Variants in IL1RAPL1 observed in about 807,000 individuals in gnomAD.
IL1RAPL1 encodes the protein interleukin-1 receptor accessory protein-like 1.
IL1RAPL1 carries 3 observed loss-of-function variants against 48.4 expected under a neutral mutation model. That is an observed-to-expected ratio of 0.06 (90% CI 0.03 to 0.16). The LOEUF (loss-of-function observed/expected upper bound fraction) is 0.16, where lower values mean the gene tolerates loss of function less well. Ranked by LOEUF, IL1RAPL1 falls within the 10% of genes least tolerant of loss-of-function variation. The probability of loss-of-function intolerance (pLI) is 1.00; values close to 1 mark genes in which losing one functional copy is unlikely to be tolerated. For missense variants in IL1RAPL1, 349 were observed against 530.6 expected, an observed-to-expected ratio of 0.66 and a Z score of 3.36; for synonymous variants, 185 against 187.7, an observed-to-expected ratio of 0.99 and a Z score of 0.12.
chrX:28,644,720 A>G (rs1396968809), intron 1 of IL1RAPL1, among the ~76,000 whole-genome samples: 2 of 111,909 alleles, frequency 1.8e-5, no homozygotes, highest in Non-Finnish European at 3.8e-5. Context: ...AAAGGAGATC[A>G]TCACTGAAAT....
intron 1 of IL1RAPL1, among the ~76,000 whole-genome samples, chrX:28,601,099 A>T (rs1269966490): frequency 9.0e-6 from 1 of 111,491 alleles, no homozygotes; most frequent in East Asian, 2.8e-4. Context: ...TTGAATAGGG[A>T]TGAACTAAGT....
chrX:29,369,715 G>A (rs188678111), intron 3 of IL1RAPL1: 1 of 111,811 alleles, frequency 8.9e-6, no homozygotes, highest in Non-Finnish European at 1.9e-5. Context: ...GTGGGGATAC[G>A]GCAAAATCAT....
intron 5 of IL1RAPL1, among the ~76,000 whole-genome samples, chrX:29,646,147 C>T (rs185281024): frequency 3.6e-5 from 4 of 111,306 alleles, no homozygotes; most frequent in East Asian, 2.8e-4. Context: ...TTCAAAATAC[C>T]TCCTTTAAGG....
intron 2 of IL1RAPL1, among the ~76,000 whole-genome samples, chrX:29,252,023 C>A (rs1156437054): frequency 1.9e-5 from 2 of 106,334 alleles, no homozygotes; most frequent in Non-Finnish European, 3.8e-5. Flanking sequence ...GAACAAAAAA[C>A]CAAACACCGC....
chrX:29,182,471 A>G lies in IL1RAPL1; in HGVS notation c.83-100467A>G, dbSNP rs148475360. On this transcript the variant is annotated intron_variant, in intron 2 of 10. Transcript: ENST00000378993. ...AAAACAAACCAAAATCTTCCTTTGG[A>G]TTGCACATAGTTGAATTGCTAGAGA... Among the ~76,000 whole-genome samples, 384 of 112,071 alleles carry G rather than the reference A, an allele frequency of 3.4e-3. 4 individuals are homozygous for G. The East Asian group carries it at 0.059, about 17-fold the overall frequency.
intron 1 of IL1RAPL1, among the ~76,000 whole-genome samples, chrX:28,707,790 T>C (rs1569155644): frequency 1.8e-5 from 2 of 111,839 alleles, no homozygotes; most frequent in East Asian, 5.6e-4. Context: ...AAGAGAAATA[T>C]TTAAAGGTCT....
At chrX:29,683,898 C>T (rs1270475660) in intron 6 of IL1RAPL1, among the ~76,000 whole-genome samples, 1 of 112,080 alleles carries the variant, frequency 8.9e-6, no homozygotes, top group African/African-American at 3.2e-5. Context: ...CAAATCTTAA[C>T]TATTGGAAAC....
chrX:29,393,137 G>A (rs1933874672), intron 3 of IL1RAPL1, among the ~76,000 whole-genome samples: 1 of 101,860 alleles, frequency 9.8e-6, no homozygotes, highest in Admixed American at 1.1e-4. Flanking sequence ...CTAGTTTTCT[G>A]TTTTTTGAGA....
chrX:29,894,503 TCAA>T (rs765732016), intron 6 of IL1RAPL1, among the ~76,000 whole-genome samples: 5 of 112,406 alleles, frequency 4.4e-5, no homozygotes, highest in Admixed American at 9.4e-5. Context: ...AGATAAATCA[TCAA>T]CGTTTTACTT....
In IL1RAPL1 at chrX:29,639,169, A is replaced by G. The variant is rs185579752; in HGVS notation, c.704-29261A>G. 1.7e-3 allele frequency among the ~76,000 whole-genome samples: 177 copies of G among 105,202 alleles called. 1 individual carries two copies. Among genetic ancestry groups the G allele is most frequent in the African/African-American group, 5.8e-3 (161 of 27,809 alleles). The allele number at this position is 105,202 out of a possible 115,157, so 91.4% of individuals were successfully genotyped here. A position where few individuals can be genotyped will look rare whatever the true frequency, so the allele number is the denominator to read the frequency against. On this transcript the variant is annotated intron_variant, in intron 5 of 10. Coordinates refer to ENST00000378993, the MANE Select transcript of IL1RAPL1 (RefSeq NM_014271.4). Reference sequence around the variant, plus strand: ...CCATTGCACTCCAGCATGGGCGACAAAGCGAGACTCCGTCTCAAAAAAAAA... The same window carrying G: ...CCATTGCACTCCAGCATGGGCGACAGAGCGAGACTCCGTCTCAAAAAAAAA...
chrX:29,375,576 A>G (rs1933611553), intron 3 of IL1RAPL1, among the ~76,000 whole-genome samples: 1 of 111,742 alleles, frequency 8.9e-6, no homozygotes. Context: ...GAGCTCATGC[A>G]GACACATCTG....
chrX:29,910,227 GGAGGGTA>G (rs1328308573), intron 6 of IL1RAPL1, among the ~76,000 whole-genome samples: 2 of 110,643 alleles, frequency 1.8e-5, no homozygotes, highest in Admixed American at 1.9e-4. Context: ...ACTTGAGGGT[GGAGGGTA>G]GAGGGTGAGA....
intron 2 of IL1RAPL1, among the ~76,000 whole-genome samples, chrX:29,238,592 A>T (rs1244857945): frequency 9.0e-6 from 1 of 111,605 alleles, no homozygotes; most frequent in Non-Finnish European, 1.9e-5. Context: ...TCACTCTCTC[A>T]TCCAACATAA....
chrX:29,491,635 T>C (rs1935160343), intron 5 of IL1RAPL1, among the ~76,000 whole-genome samples: 1 of 112,612 alleles, frequency 8.9e-6, no homozygotes, highest in South Asian at 3.6e-4. Context: ...CTAGCAGTAT[T>C]TAATTGCATT....
chrX:29,745,056 T>C (rs968793997), intron 6 of IL1RAPL1, among the ~76,000 whole-genome samples: 2 of 112,064 alleles, frequency 1.8e-5, no homozygotes, highest in Non-Finnish European at 3.8e-5. Context: ...CTACCATTCA[T>C]ATGAAGGAGA....
intron 5 of IL1RAPL1, among the ~76,000 whole-genome samples, chrX:29,406,667 T>C (rs1039181156): frequency 9.0e-6 from 1 of 111,022 alleles, no homozygotes; most frequent in Non-Finnish European, 1.9e-5. Flanking sequence ...TTTCCTACAT[T>C]ATATTGCTGA....
chrX:29,024,623 A>G (rs894811338), intron 2 of IL1RAPL1, among the ~76,000 whole-genome samples: 2 of 112,145 alleles, frequency 1.8e-5, no homozygotes, highest in Non-Finnish European at 3.8e-5. Context: ...CTTAGCAGCT[A>G]TATCTTATCA....
At chrX:29,284,470 T>C (rs1174758270) in intron 3 of IL1RAPL1, among the ~76,000 whole-genome samples, 1 of 112,527 alleles carries the variant, frequency 8.9e-6, no homozygotes, top group Admixed American at 9.4e-5. Context: ...TGGCCGGGCA[T>C]GGTGGCTCAC....
chrX:29,689,466 G>A (rs1926718813), intron 6 of IL1RAPL1, among the ~76,000 whole-genome samples: 1 of 112,346 alleles, frequency 8.9e-6, no homozygotes, highest in African/African-American at 3.2e-5. Context: ...TCAAGCACTT[G>A]TTCAATGTTT....
Sources: allele counts gnomAD v4.1 joint callset (sites outside exome capture counted in the v4.1 genomes callset), GRCh38; gene constraint gnomAD v4.1.1; transcripts MANE v1.5; gene names NCBI Gene and HGNC (gene_info 2026-07-23, HGNC 2026-07-21).